The following BRI3BP variants were observed in gnomAD, a reference collection of about 807,000 sequenced individuals.
BRI3BP encodes the protein BRI3-binding protein.
A neutral mutation model predicts 15.8 loss-of-function variants in BRI3BP; 7 were observed. The observed-to-expected ratio is 0.44, with a 90% CI of 0.25 to 0.83. The LOEUF (loss-of-function observed/expected upper bound fraction) is 0.83, where lower values mean the gene tolerates loss of function less well. BRI3BP is among the 40% of genes least tolerant of loss of function. The pLI is 0.20. For missense variants in BRI3BP, 320 were observed against 339.3 expected, an observed-to-expected ratio of 0.94 and a Z score of 0.45; for synonymous variants, 192 against 163.5, an observed-to-expected ratio of 1.17 and a Z score of -1.33.
chr12:124,998,663 T>C (rs1408277787), intron 1 of BRI3BP, among the ~76,000 whole-genome samples: 1 of 152,160 alleles, frequency 6.6e-6, no homozygotes, highest in Non-Finnish European at 1.5e-5. Flanking sequence ...TTTGGGGTGA[T>C]GACAGATTGT....
At chr12:125,016,274 T>C (rs945308127) in intron 2 of BRI3BP, among the ~76,000 whole-genome samples, 1 of 152,018 alleles carries the variant, frequency 6.6e-6, no homozygotes, top group Non-Finnish European at 1.5e-5. Flanking sequence ...CAAAATGCTT[T>C]ACAGGAAGCC....
At chr12:125,035,154 T>G (rs1336681947), downstream of BRI3BP, among the ~76,000 whole-genome samples, 1 of 152,240 alleles carries the variant, frequency 6.6e-6, no homozygotes, top group Non-Finnish European at 1.5e-5. Context: ...TGAACACTTA[T>G]GTATAGGACT....
chr12:125,000,114 T>C, intron 1 of BRI3BP, among the ~76,000 whole-genome samples: 1 of 146,708 alleles, frequency 6.8e-6, no homozygotes, highest in Non-Finnish European at 1.5e-5. Context: ...TTTTGCTGTT[T>C]GCAAGAAAGT....
Position 125,011,914 on chromosome 12 carries a change from G to A in BRI3BP, c.214-620G>A, listed in dbSNP as rs141466754. Among the ~76,000 whole-genome samples the A allele has an allele frequency of 1.5e-3, 221 of 152,272 alleles. 2 individuals carry two copies. Among genetic ancestry groups the A allele is most frequent in the African/African-American group, 5.1e-3 (211 of 41,554 alleles). The stretch of plus-strand genomic sequence containing the variant: ...TAAAAATGAGAAACCCGCAGGGTGC[G>A]GTGCAGTGTTTCACGCCTATAATCC... On this transcript the variant is annotated intron_variant, in intron 1 of 2. Coordinates refer to ENST00000341446, the MANE Select transcript of BRI3BP (RefSeq NM_080626.6).
chr12:125,011,739 A>G (rs1256875192), intron 1 of BRI3BP, among the ~76,000 whole-genome samples: 1 of 152,100 alleles, frequency 6.6e-6, no homozygotes, highest in Non-Finnish European at 1.5e-5. Context: ...AAAAAAAGTT[A>G]AAATGAGGCT....
At chr12:125,043,531 G>C in the BRI3BP span, among the ~76,000 whole-genome samples, 1 of 151,862 alleles carries the variant, frequency 6.6e-6, no homozygotes, top group Non-Finnish European at 1.5e-5. Context: ...AAGATAATGA[G>C]ACCTCATCTC....
chr12:125,036,930 C>T, the BRI3BP span, among the ~76,000 whole-genome samples: 1 of 152,192 alleles, frequency 6.6e-6, no homozygotes, highest in East Asian at 1.9e-4. Flanking sequence ...ATGCTAGTAC[C>T]TTGCTCTTGA....
chr12:124,993,921 A>G lies in BRI3BP; in HGVS notation c.131A>G (p.Asn44Ser). 4 of 1,329,546 alleles carry G rather than the reference A, an allele frequency of 3.0e-6. No individual in the cohort carries two copies. The highest frequency in any genetic ancestry group is 2.3e-4 in the Middle Eastern group (1 of 4,356). 82.4% of individuals were successfully genotyped at this position (1,329,546 alleles called of 1,614,324 possible). A position where few individuals can be genotyped will look rare whatever the true frequency, so the allele number is the denominator to read the frequency against. Residue 44 changes from asparagine to serine, a missense_variant, in exon 1 of 3, where the codon AAC becomes AGC. Asn to Ser is a conservative substitution (Grantham distance 46). Transcript: ENST00000341446. ...CGGGGCCGCGGCGGCGCGGAGAAGA[A>G]CAGCTACCGCCGCACGGTCAACACC... is the stretch of plus-strand genomic sequence containing the variant. ...GARGRGGAEK[N>S]SYRRTVNTFS...
At chr12:125,009,188 T>G (rs1280224819) in intron 1 of BRI3BP, among the ~76,000 whole-genome samples, 3 of 151,162 alleles carry the variant, frequency 2.0e-5, no homozygotes, top group Non-Finnish European at 4.4e-5. Flanking sequence ...AGCATGTTAG[T>G]CAGGCTGGTC....
At chr12:125,036,346 A>T in the BRI3BP span, among the ~76,000 whole-genome samples, 64 of 151,346 alleles carry the variant, frequency 4.2e-4, 3 homozygotes, top group Non-Finnish European at 3.0e-5. Flanking sequence ...TACAGGCATG[A>T]GCCACCGCAC....
chr12:125,031,938 G>A (rs762614191), downstream of BRI3BP, among the ~76,000 whole-genome samples: 4 of 152,056 alleles, frequency 2.6e-5, no homozygotes, highest in African/African-American at 7.2e-5. Flanking sequence ...TGCTTTTTAC[G>A]CAAAGACAAT....
At chr12:125,033,064 C>G (rs540353324), downstream of BRI3BP, among the ~76,000 whole-genome samples, 4 of 152,222 alleles carry the variant, frequency 2.6e-5, no homozygotes, top group East Asian at 7.7e-4. Flanking sequence ...TGCTACCAGC[C>G]CCTTTGCACC....
rs542177790 is a variant in BRI3BP, at chr12:124,993,844, G to A, written c.54G>A (p.Leu18=). ...GPLARAGLLL[L]LLLLLLLGLL... ...TGGCCCGGGCCGGGCTCCTGCTGCT[G>A]CTGCTGCTGCTGCTGCTGCTCGGGC... The change falls in exon 1 of 3, where the codon CTG becomes CTA. Residue 18 remains leucine, a synonymous_variant. Transcript: ENST00000341446. 1.6e-4 allele frequency: 195 copies of A among 1,189,748 alleles called. 1 individual carries two copies. The African/African-American group carries it at 2.9e-3, about 18-fold the overall frequency. The allele number at this position is 1,189,748 out of a possible 1,614,324, so 73.7% of individuals were successfully genotyped here.
intron 1 of BRI3BP, among the ~76,000 whole-genome samples, chr12:125,001,143 C>T (rs1462009965): frequency 1.3e-5 from 2 of 152,074 alleles, no homozygotes; most frequent in Non-Finnish European, 1.5e-5. Context: ...CAAGCTCCAC[C>T]TCCTGTGTTC....
At chr12:125,008,831 C>G (rs997156240) in intron 1 of BRI3BP, among the ~76,000 whole-genome samples, 1 of 152,110 alleles carries the variant, frequency 6.6e-6, no homozygotes, top group Admixed American at 6.6e-5. Flanking sequence ...GAGCACTGAG[C>G]TTGTTTTCCT....
intron 1 of BRI3BP, among the ~76,000 whole-genome samples, chr12:125,002,452 T>TTTTTG (rs1565902203): frequency 1.3e-5 from 2 of 149,436 alleles, no homozygotes; most frequent in African/African-American, 4.9e-5. Flanking sequence ...TGGTTTTTTT[T>TTTTTG]TTTGTTTTGT....
Position 125,024,979 on chromosome 12 carries a change from T to C in BRI3BP, c.317-12T>C. 2 of 1,604,034 alleles carry C rather than the reference T, an allele frequency of 1.2e-6. No individual in the cohort carries two copies. The highest frequency in any genetic ancestry group is 1.7e-6 in the Non-Finnish European group (2 of 1,173,390). On this transcript the variant is annotated splice_polypyrimidine_tract_variant and intron_variant, in intron 2 of 2. Coordinates refer to ENST00000341446, the MANE Select transcript of BRI3BP (RefSeq NM_080626.6). ...TGCGTAACGAGCCCTGTTCCTCTTT[T>C]CTGTCCCGCAGTCTCCAACCTGTCC... is the stretch of plus-strand genomic sequence containing the variant.
chr12:125,006,658 G>A (rs772410664), intron 1 of BRI3BP, among the ~76,000 whole-genome samples: 1 of 152,222 alleles, frequency 6.6e-6, no homozygotes, highest in Non-Finnish European at 1.5e-5. Context: ...GGCACCTGCC[G>A]TGTGCTGGGC....
At chr12:125,047,419 C>T in the BRI3BP span, among the ~76,000 whole-genome samples, 2 of 151,912 alleles carry the variant, frequency 1.3e-5, no homozygotes, top group African/African-American at 2.4e-5. Context: ...GTGATCCACC[C>T]GCCTCCGCCT....
Sources: gnomAD v4.1 joint callset for allele counts (sites outside exome capture counted in the v4.1 genomes callset) on GRCh38, gnomAD v4.1.1 for gene constraint, MANE v1.5 for transcripts, NCBI Gene and HGNC (gene_info 2026-07-23, HGNC 2026-07-21) for gene names.